Variants in TRMT9B observed in about 807,000 individuals in gnomAD.
The protein encoded by TRMT9B is probable tRNA methyltransferase 9B.
Under a neutral mutation model 11.5 loss-of-function variants are expected in TRMT9B, and 16 were observed. The ratio of observed to expected loss-of-function variants is 1.39; its 90% confidence interval spans 0.94 to 2.11. The LOEUF (loss-of-function observed/expected upper bound fraction) is 2.11. Ranked by LOEUF, TRMT9B falls within the 30% of genes most tolerant of loss-of-function variation. The pLI is 0.00. For synonymous variants in TRMT9B, 274 were observed against 192.4 expected, an observed-to-expected ratio of 1.42 and a Z score of -3.51; for missense variants, 941 against 553.8, an observed-to-expected ratio of 1.70 and a Z score of -7.02.
At chr8:12,993,073 C>A (rs1313574119) in intron 2 of TRMT9B, among the ~76,000 whole-genome samples, 3 of 152,098 alleles carry the variant, frequency 2.0e-5, no homozygotes, top group East Asian at 3.9e-4. Context: ...CTGAGCAAGT[C>A]CCTCTCGGGA....
chr8:12,948,411 A>G (rs898962132), intron 1 of TRMT9B, among the ~76,000 whole-genome samples: 2 of 148,366 alleles, frequency 1.3e-5, no homozygotes, highest in Middle Eastern at 3.6e-3. Context: ...ATCTGTATAT[A>G]TAATATATAT....
intron 2 of TRMT9B, among the ~76,000 whole-genome samples, chr8:12,994,861 T>A (rs1808053460): frequency 6.6e-6 from 1 of 152,190 alleles, no homozygotes; most frequent in Admixed American, 6.5e-5. Context: ...TTTGTATTTT[T>A]AGTAGAGACG....
intron 4 of TRMT9B, among the ~76,000 whole-genome samples, chr8:13,013,821 C>G (rs945758505): frequency 1.3e-5 from 2 of 151,992 alleles, no homozygotes; most frequent in African/African-American, 4.8e-5. Context: ...ATGGTACAAG[C>G]GCCTGTAGTC....
At chr8:12,971,790 A>G (rs73544700) in intron 1 of TRMT9B, among the ~76,000 whole-genome samples, 1 of 152,142 alleles carries the variant, frequency 6.6e-6, no homozygotes, top group Non-Finnish European at 1.5e-5. Context: ...TTATAAGCAT[A>G]TTTTCATGAC....
intron 1 of TRMT9B, chr8:12,958,795 G>C (rs930663078): frequency 1.3e-5 from 2 of 152,122 alleles, no homozygotes; most frequent in African/African-American, 4.8e-5. Flanking sequence ...TCCTTTGTGG[G>C]GACATGGATG....
Position 13,000,499 on chromosome 8 carries a change from A to G in TRMT9B, c.-1-5703A>G, listed in dbSNP as rs2128885431. On this transcript the variant is annotated intron_variant, in intron 2 of 4. Transcript: ENST00000524591. ...TAGGCAGAGTTTGTGGGGCAAGGGA[A>G]GGAACAAAGATGATTCAATGTCTGG... 2.0e-5 allele frequency among the ~76,000 whole-genome samples: 3 copies of G among 152,332 alleles called. No individual in the cohort carries two copies. The South Asian group carries it at 6.2e-4, about 32-fold the overall frequency.
chr8:13,002,125 T>C (rs975066785), intron 2 of TRMT9B, among the ~76,000 whole-genome samples: 10 of 152,214 alleles, frequency 6.6e-5, no homozygotes, highest in Non-Finnish European at 8.8e-5. Flanking sequence ...ATCTTTTAGG[T>C]TACCCGATGG....
chr8:13,009,061 C>T (rs1236385419), intron 3 of TRMT9B, among the ~76,000 whole-genome samples: 1 of 116,880 alleles, frequency 8.6e-6, no homozygotes, highest in Non-Finnish European at 1.7e-5. Flanking sequence ...CATTCTTCAA[C>T]ATCACTGTAA....
intron 1 of TRMT9B, among the ~76,000 whole-genome samples, chr8:12,959,727 C>A (rs558099023): frequency 1.3e-5 from 2 of 151,932 alleles, no homozygotes; most frequent in African/African-American, 4.8e-5. Context: ...CACAAAAAGG[C>A]TACTTTGCCC....
At chr8:12,964,718 G>A (rs1377144494) in intron 1 of TRMT9B, among the ~76,000 whole-genome samples, 1 of 151,608 alleles carries the variant, frequency 6.6e-6, no homozygotes, top group Non-Finnish European at 1.5e-5. Flanking sequence ...TGGACTATAA[G>A]CATGCCACCA....
At chr8:12,947,328 C>T (rs533156983) in intron 1 of TRMT9B, among the ~76,000 whole-genome samples, 1 of 152,322 alleles carries the variant, frequency 6.6e-6, no homozygotes, top group East Asian at 1.9e-4. Context: ...GATGATTCCA[C>T]TTCCTTATGC....
intron 1 of TRMT9B, 68 bp downstream of exon 1, chr8:12,946,034 C>T (rs965027678): frequency 1.3e-5 from 2 of 152,176 alleles, no homozygotes; most frequent in Admixed American, 1.3e-4. Context: ...TAATGTTTGT[C>T]ATCCCACGAG....
intron 2 of TRMT9B, among the ~76,000 whole-genome samples, chr8:13,004,520 G>C (rs563943103): frequency 3.9e-5 from 6 of 152,040 alleles, no homozygotes; most frequent in African/African-American, 1.2e-4. Context: ...GAGGCCGTCT[G>C]TTCAGGCCCT....
chr8:12,966,870 C>CA (rs1244677064), intron 1 of TRMT9B, among the ~76,000 whole-genome samples: 1 of 151,994 alleles, frequency 6.6e-6, no homozygotes, highest in African/African-American at 2.4e-5. Context: ...CCCAGAGGAG[C>CA]AAAAAAATCG....
chr8:12,982,533 A>G (rs1008744435), intron 1 of TRMT9B, among the ~76,000 whole-genome samples: 1 of 152,126 alleles, frequency 6.6e-6, no homozygotes, highest in African/African-American at 2.4e-5. Context: ...GCAGTGGCAC[A>G]TGCTTGTAAT....
intron 3 of TRMT9B, among the ~76,000 whole-genome samples, chr8:13,008,541 C>G (rs1395657307): frequency 1.3e-5 from 2 of 152,074 alleles, no homozygotes; most frequent in African/African-American, 4.8e-5. Flanking sequence ...TAAATTTCAG[C>G]AGGTACATTA....
At chr8:12,959,977 T>G (rs1009612422) in intron 1 of TRMT9B, 3 of 152,212 alleles carry the variant, frequency 2.0e-5, no homozygotes, top group African/African-American at 7.2e-5. Flanking sequence ...GACACCTGAA[T>G]GCCAGTGTCA....
At chr8:12,951,746 C>T (rs1455030330) in intron 1 of TRMT9B, 2 of 151,952 alleles carry the variant, frequency 1.3e-5, no homozygotes, top group African/African-American at 2.4e-5. Flanking sequence ...CGCGGGCGGT[C>T]TCCCGACGGC....
chr8:13,014,535 C>G (rs1355696682), intron 4 of TRMT9B, among the ~76,000 whole-genome samples: 2 of 152,064 alleles, frequency 1.3e-5, no homozygotes, highest in African/African-American at 4.8e-5. Context: ...GGCCATTAAG[C>G]CCATAATGGG....
Sources: allele counts gnomAD v4.1 joint callset (sites outside exome capture counted in the v4.1 genomes callset), GRCh38; gene constraint gnomAD v4.1.1; transcripts MANE v1.5; gene names NCBI Gene and HGNC (gene_info 2026-07-23, HGNC 2026-07-21).